TTK: variants seen among roughly 807,000 people sequenced by gnomAD.
TTK encodes the protein TTK protein kinase, also known as dual specificity protein kinase TTK.
Under a neutral mutation model 117.3 loss-of-function variants are expected in TTK, and 59 were observed. The observed-to-expected ratio is 0.50, with a 90% CI of 0.41 to 0.62. The LOEUF is 0.62. TTK is among the 20% of genes least tolerant of loss of function. The pLI is 0.00. For synonymous variants in TTK, 302 were observed against 325.0 expected (o/e 0.93, Z 0.76); for missense variants, 921 against 989.4 (o/e 0.93, Z 0.93).
At chr6:80,009,264 T>C (rs1299094732) in intron 4 of TTK, among the ~76,000 whole-genome samples, 1 of 152,040 alleles carries the variant, frequency 6.6e-6, no homozygotes, top group Non-Finnish European at 1.5e-5. Context: ...AGAATCCCCA[T>C]GATGGTTTCC....
intron 8 of TTK, 130 bp downstream of exon 8, chr6:80,012,110 T>A: frequency 1.4e-6 from 1 of 724,590 alleles, no homozygotes; most frequent in Non-Finnish European, 2.1e-6. Context: ...AGATAATCTC[T>A]AAATGTTGTC....
At chr6:80,017,186 A>G (rs1274622331) in intron 10 of TTK, among the ~76,000 whole-genome samples, 1 of 152,226 alleles carries the variant, frequency 6.6e-6, no homozygotes, top group Non-Finnish European at 1.5e-5. Context: ...ATTTATTGAA[A>G]AGATCCTCCT....
At position 80,017,107 on chromosome 6, in the gene TTK, A is replaced by C. The variant is rs116466937; in HGVS notation, c.1108+2521A>C. ...TATCTTTCCTGAGTTTAATGTTTAC[A>C]TATGTGTAAGATCAAGTGTCAGGGT... On this transcript the variant is annotated intron_variant, in intron 10 of 21. Coordinates refer to ENST00000369798, the MANE Select transcript of TTK (RefSeq NM_003318.5). Among the ~76,000 whole-genome samples the C allele has an allele frequency of 7.2e-3, 1,101 of 152,260 alleles. 14 individuals carry two copies. Among genetic ancestry groups the C allele is most frequent in the African/African-American group, 0.026 (1,060 of 41,542 alleles).
chr6:80,029,024 A>G (rs778203898), intron 13 of TTK, among the ~76,000 whole-genome samples: 1 of 152,192 alleles, frequency 6.6e-6, no homozygotes, highest in East Asian at 1.9e-4. Flanking sequence ...GTAACTCCTA[A>G]TACAGAGCAT....
intron 18 of TTK, 110 bp from the exon 19 acceptor site, chr6:80,039,586 A>G (rs1433398937): frequency 2.5e-6 from 2 of 786,022 alleles, no homozygotes; most frequent in Non-Finnish European, 3.6e-6. Context: ...TGTAGTACAC[A>G]TTCATTGAGA....
chr6:80,011,192 T>A (rs932413852), intron 5 of TTK, among the ~76,000 whole-genome samples: 1 of 151,864 alleles, frequency 6.6e-6, no homozygotes, highest in South Asian at 2.1e-4. Context: ...AAGAGAATTT[T>A]TTTTTTTTTG....
At chr6:80,040,399 T>G (rs1768016475) in intron 20 of TTK, 119 bp downstream of exon 20, 14 of 966,570 alleles carry the variant, frequency 1.4e-5, no homozygotes, top group Non-Finnish European at 2.1e-5. Context: ...GCCTTTTTCC[T>G]TAAGGAAGTT....
intron 14 of TTK, among the ~76,000 whole-genome samples, chr6:80,033,467 C>G (rs1224117615): frequency 6.6e-6 from 1 of 152,124 alleles, no homozygotes; most frequent in Non-Finnish European, 1.5e-5. Context: ...TTGTGTCCCT[C>G]TGCACTTGAA....
rs1766977161 is a variant in TTK, at chr6:80,005,852, C to T, written c.9C>T (p.Ser3=). The T allele has an allele frequency of 6.2e-7, 1 of 1,611,404 alleles. No individual in the cohort carries two copies. The highest frequency in any genetic ancestry group is 8.5e-7 in the Non-Finnish European group (1 of 1,179,282). ME[S]EDLSGRELTI... ...CAGTTTTTTTCTTAGAAATGGAATCCGAGGATTTAAGTGGCAGAGAATTGA... is the reference window on the plus strand; with the variant it reads ...CAGTTTTTTTCTTAGAAATGGAATCTGAGGATTTAAGTGGCAGAGAATTGA... Residue 3 remains serine, a synonymous_variant, in exon 2 of 22, where the codon TCC becomes TCT. Coordinates refer to ENST00000369798, the MANE Select transcript of TTK (RefSeq NM_003318.5).
Position 80,024,766 on chromosome 6 carries a change from C to G in TTK, c.1258-1612C>G, listed in dbSNP as rs576315459. ...AAAAAGTATAGAATCTAGGCAGTTT[C>G]TTGTGGATACTGCTTGTCCAGCAGT... On this transcript the variant is annotated intron_variant, in intron 11 of 21. Coordinates refer to ENST00000369798, the MANE Select transcript of TTK (RefSeq NM_003318.5). Among the ~76,000 whole-genome samples the G allele has an allele frequency of 5.3e-4, 80 of 152,302 alleles. 2 individuals carry two copies. In the South Asian group the frequency reaches 0.012, roughly 22 times the overall value.
intron 14 of TTK, among the ~76,000 whole-genome samples, chr6:80,033,424 C>T (rs180686511): frequency 4.6e-5 from 7 of 152,246 alleles, no homozygotes; most frequent in African/African-American, 1.4e-4. Flanking sequence ...TACCTTCTAA[C>T]ATGTTCTGTA....
At chr6:80,033,497 G>A (rs544360835) in intron 14 of TTK, among the ~76,000 whole-genome samples, 1 of 152,184 alleles carries the variant, frequency 6.6e-6, no homozygotes, top group African/African-American at 2.4e-5. Flanking sequence ...CATGAAGATA[G>A]GGATGTTTTT....
Position 80,042,307 on chromosome 6 carries a change from G to T in TTK, c.*105G>T, listed in dbSNP as rs894569003. 2 of 892,314 alleles carry T rather than the reference G, an allele frequency of 2.2e-6. No homozygotes were observed. The highest frequency in any genetic ancestry group is 2.9e-5 in the Admixed American group (1 of 34,226). 55.3% of individuals were successfully genotyped at this position (892,314 alleles called of 1,614,324 possible). ...CATTTGAAGACAACATCACTCTGAA[G>T]TGTTATCAGCAAAAAAAATTCAGTA... On this transcript the variant is annotated 3_prime_UTR_variant, in exon 22 of 22. Transcript: ENST00000369798.
chr6:80,042,395 C>T lies in TTK; in HGVS notation c.*193C>T, dbSNP rs1768074646. 1 of 353,014 alleles carries T rather than the reference C, an allele frequency of 2.8e-6. No individual in the cohort carries two copies. The highest frequency in any genetic ancestry group is 5.2e-6 in the Non-Finnish European group (1 of 190,670). 21.9% of individuals were successfully genotyped at this position (353,014 alleles called of 1,614,324 possible). ...CTTATGGCACTGTATATATTGTAGA[C>T]TTGTTTTCTCTGTTTTATGCTCTTG... On this transcript the variant is annotated 3_prime_UTR_variant, in exon 22 of 22. Transcript: ENST00000369798.
At chr6:80,014,886 T>A (rs1477204894) in intron 10 of TTK, among the ~76,000 whole-genome samples, 1 of 152,176 alleles carries the variant, frequency 6.6e-6, no homozygotes, top group Admixed American at 6.5e-5. Context: ...TGTTTTTATA[T>A]GACAGCTCTC....
chr6:80,036,011 G>T (rs1757379193), intron 16 of TTK, among the ~76,000 whole-genome samples: 1 of 152,014 alleles, frequency 6.6e-6, no homozygotes, highest in African/African-American at 2.4e-5. Context: ...CAGTGATCAA[G>T]ATCAGGGCTA....
At chr6:80,018,284 A>C (rs1767364343) in intron 10 of TTK, among the ~76,000 whole-genome samples, 1 of 152,114 alleles carries the variant, frequency 6.6e-6, no homozygotes. Flanking sequence ...TTTTCCATGC[A>C]TTTTTTGGAT....
chr6:80,022,569 A>G (rs1767489913), intron 11 of TTK, 97 bp downstream of exon 11: 2 of 1,291,094 alleles, frequency 1.5e-6, no homozygotes, highest in East Asian at 2.5e-5. Flanking sequence ...TTAAATGTGT[A>G]TGATATTTAG....
At chr6:80,008,291 A>G (rs1767049386) in intron 3 of TTK, 95 bp from the exon 4 acceptor site, 6 of 1,240,498 alleles carry the variant, frequency 4.8e-6, no homozygotes, top group Middle Eastern at 2.4e-4. Flanking sequence ...GAAAAAAGCA[A>G]TATCCCATGT....
Sources: gnomAD v4.1 joint callset for allele counts (sites outside exome capture counted in the v4.1 genomes callset) on GRCh38, gnomAD v4.1.1 for gene constraint, MANE v1.5 for transcripts, NCBI Gene and HGNC (gene_info 2026-07-23, HGNC 2026-07-21) for gene names.